Variants in CASZ1 observed in about 807,000 individuals in gnomAD.
CASZ1 encodes the protein castor zinc finger 1.
In CASZ1, 28 loss-of-function variants were observed where a neutral mutation model predicts 135.2. The ratio of observed to expected loss-of-function variants is 0.21; its 90% CI spans 0.15 to 0.28. The LOEUF is 0.28. Among genes scored for constraint, CASZ1 ranks in the 10% least tolerant of loss-of-function variants. CASZ1 has a pLI of 1.00. For synonymous variants in CASZ1, 1,068 were observed against 1,073.4 expected (o/e 0.99, Z 0.10); for missense variants, 2,161 against 2,453.3 (o/e 0.88, Z 2.52).
chr1:10,758,330 T>TCTCTCTC, intron 2 of CASZ1, among the ~76,000 whole-genome samples: 1 of 124,724 alleles, frequency 8.0e-6, no homozygotes, highest in South Asian at 2.5e-4. Flanking sequence ...CTCTCTCTCT[T>TCTCTCTC]TTTTTTTTTT....
At chr1:10,649,835 C>T (rs568321132) in intron 13 of CASZ1, 1 of 146,276 alleles carries the variant, frequency 6.8e-6, no homozygotes, top group East Asian at 2.3e-4. Context: ...CTACGAATTC[C>T]TTGAGAACAA....
In CASZ1 at chr1:10,666,481, C is replaced by T. The variant is rs545947668; in HGVS notation, c.17-910G>A. The stretch of plus-strand genomic sequence containing the variant: ...CCAGCCTCGGCCAGCCTCTGCAGCC[C>T]CGGAAGGCCTGGCCAGCCCACTTCC... On this transcript the variant is annotated intron_variant, in intron 4 of 20. Coordinates refer to ENST00000377022, the MANE Select transcript of CASZ1 (RefSeq NM_001079843.3). This position sits in a 1 kb window ranked among gnomAD's most constrained non-coding sequence, Gnocchi z 5.2. Among the ~76,000 whole-genome samples, 1 of 152,178 alleles carries T rather than the reference C, an allele frequency of 6.6e-6. No homozygotes were observed. Among genetic ancestry groups the T allele is most frequent in the Non-Finnish European group, 1.5e-5 (1 of 68,028 alleles).
chr1:10,668,551 T>C (rs1570447501), intron 4 of CASZ1, among the ~76,000 whole-genome samples: 2 of 152,120 alleles, frequency 1.3e-5, no homozygotes, highest in East Asian at 3.9e-4. Flanking sequence ...GCTGCCGAGG[T>C]GGGCTGGGCC....
chr1:10,682,499 G>C (rs1469099970), intron 4 of CASZ1, among the ~76,000 whole-genome samples: 1 of 152,132 alleles, frequency 6.6e-6, no homozygotes, highest in Non-Finnish European at 1.5e-5. Context: ...GAGAGAAGTT[G>C]AGTGGGGAAG....
chr1:10,760,508 C>T (rs1034212590), intron 2 of CASZ1, among the ~76,000 whole-genome samples, 193 bp downstream of exon 2: 1 of 152,244 alleles, frequency 6.6e-6, no homozygotes, highest in Non-Finnish European at 1.5e-5. Context: ...GTGCCCTGCT[C>T]CCAGGCCAGA....
chr1:10,645,468 T>C (rs576528845), intron 17 of CASZ1, among the ~76,000 whole-genome samples: 1 of 152,104 alleles, frequency 6.6e-6, no homozygotes, highest in Non-Finnish European at 1.5e-5. Flanking sequence ...AGGCAGAGCT[T>C]GCAGTGAGCC....
Position 10,687,051 on chromosome 1 carries a change from G to A in CASZ1, c.16+6823C>T, listed in dbSNP as rs116693739. On this transcript the variant is annotated intron_variant, in intron 4 of 20. Coordinates refer to ENST00000377022, the MANE Select transcript of CASZ1 (RefSeq NM_001079843.3). ...CAGCTGCAGGGAAGAGGCACTTCCCGGTGACAAAACTTCCAGGAGTCTCTC... is the reference window on the plus strand; with the variant it reads ...CAGCTGCAGGGAAGAGGCACTTCCCAGTGACAAAACTTCCAGGAGTCTCTC... 2.2e-3 allele frequency among the ~76,000 whole-genome samples: 336 copies of A among 152,272 alleles called. 1 individual carries two copies. Among genetic ancestry groups the A allele is most frequent in the African/African-American group, 7.6e-3 (316 of 41,546 alleles).
rs534279641 is a variant in CASZ1, at chr1:10,657,281, G to C, written c.1410-545C>G. 1.3e-5 allele frequency among the ~76,000 whole-genome samples: 2 copies of C among 152,354 alleles called. No individual in the cohort carries two copies. The highest frequency in any genetic ancestry group is 4.8e-5 in the African/African-American group (2 of 41,594). Reference sequence around the variant, plus strand: ...CCGCCGCCGCCACCGCCAGGAACCTGTGCTGCCTCCCAGGAAACCCGTCCT... The same window carrying C: ...CCGCCGCCGCCACCGCCAGGAACCTCTGCTGCCTCCCAGGAAACCCGTCCT... On this transcript the variant is annotated intron_variant, in intron 7 of 20. Coordinates refer to ENST00000377022, the MANE Select transcript of CASZ1 (RefSeq NM_001079843.3). This position sits in a 1 kb window ranked among gnomAD's most constrained non-coding sequence, Gnocchi z 5.7.
At chr1:10,723,841 A>G (rs1385052723) in intron 2 of CASZ1, among the ~76,000 whole-genome samples, 1 of 152,152 alleles carries the variant, frequency 6.6e-6, no homozygotes, top group Non-Finnish European at 1.5e-5. Context: ...TCTCACGGTC[A>G]GCTTCAGTCC....
chr1:10,729,509 C>T (rs1352912153), intron 2 of CASZ1, among the ~76,000 whole-genome samples: 1 of 152,184 alleles, frequency 6.6e-6, no homozygotes, highest in Non-Finnish European at 1.5e-5. Context: ...ACCATCAGGC[C>T]AAGAACTCAG....
At chr1:10,787,578 CT>C (rs764220128) in intron 1 of CASZ1, among the ~76,000 whole-genome samples, 4 of 152,188 alleles carry the variant, frequency 2.6e-5, no homozygotes, top group Non-Finnish European at 5.9e-5. Flanking sequence ...GCAATTAGTG[CT>C]GGGGAAGGGT....
At position 10,646,470 on chromosome 1, in the gene CASZ1, C is replaced by A. The variant is rs1485432492; in HGVS notation, c.3498-144G>T. On this transcript the variant is annotated intron_variant, in intron 16 of 20. Transcript: ENST00000377022. This position sits in a 1 kb window ranked among gnomAD's most constrained non-coding sequence, Gnocchi z 6.4. ...TGGCCTGGGCTGCTGTCCTGCTCAA[C>A]AGGATGACTCAGCTGGAGACTACAG... 36 of 728,058 alleles carry A rather than the reference C, an allele frequency of 4.9e-5. No individual in the cohort carries two copies. Among genetic ancestry groups the A allele is most frequent in the Non-Finnish European group, 8.0e-5 (34 of 424,424 alleles). The allele number at this position is 728,058 out of a possible 1,614,324, so 45.1% of individuals were successfully genotyped here.
rs557130539 is a variant in CASZ1, at chr1:10,654,820, C to T, written c.1666-229G>A. On this transcript the variant is annotated intron_variant, in intron 9 of 20. Transcript: ENST00000377022. ...ACCAAGTGCTGCTGGAGCCTGGCTC[C>T]GTCTGTGCTGAGGATCAGGGCATCT... Among the ~76,000 whole-genome samples, 4 of 152,350 alleles carry T rather than the reference C, an allele frequency of 2.6e-5. No homozygotes were observed. In the South Asian group the frequency reaches 6.2e-4, roughly 24 times the overall value.
In CASZ1 at chr1:10,639,131, G is replaced by GTCGTCC. The variant is rs746886067; in HGVS notation, c.5085_5090dup (p.Glu1695_Asp1696dup). Reference sequence around the variant, plus strand: ...CGTCCTCGTCGTCGTCGTCCTCGTCGTCGTCCTCGTCCTCGTCGTCTTCGG... The same window carrying GTCGTCC: ...CGTCCTCGTCGTCGTCGTCCTCGTCGTCGTCCTCGTCCTCGTCCTCGTCGTCTTCGG... On this transcript the variant is annotated inframe_insertion, in exon 21 of 21. Coordinates refer to ENST00000377022, the MANE Select transcript of CASZ1 (RefSeq NM_001079843.3). This position sits in a 1 kb window ranked among gnomAD's most constrained non-coding sequence, Gnocchi z 4.0. The GTCGTCC allele has an allele frequency of 4.2e-5, 48 of 1,133,384 alleles. No homozygotes were observed. The East Asian group carries it at 9.6e-4, about 23-fold the overall frequency. The allele number at this position is 1,133,384 out of a possible 1,614,324, so 70.2% of individuals were successfully genotyped here. A position where few individuals can be genotyped will look rare whatever the true frequency, so the allele number is the denominator to read the frequency against.
Position 10,637,093 on chromosome 1 carries a change from G to C in CASZ1, c.*1849C>G, listed in dbSNP as rs1234630300. On this transcript the variant is annotated 3_prime_UTR_variant, in exon 21 of 21. Transcript: ENST00000377022. ...TGAAGTTTACAAAAGGCTAGACTCCGCACTGTCGGCATCTTCTTCTTTTCT... is the reference window on the plus strand; with the variant it reads ...TGAAGTTTACAAAAGGCTAGACTCCCCACTGTCGGCATCTTCTTCTTTTCT... 1 of 152,110 alleles carries C rather than the reference G, an allele frequency of 6.6e-6. No homozygotes were observed. Among genetic ancestry groups the C allele is most frequent in the Non-Finnish European group, 1.5e-5 (1 of 67,974 alleles). The allele number at this position is 152,110 out of a possible 1,614,324, so 9.4% of individuals were successfully genotyped here. A position where few individuals can be genotyped will look rare whatever the true frequency, so the allele number is the denominator to read the frequency against.
intron 20 of CASZ1, among the ~76,000 whole-genome samples, chr1:10,641,746 C>T (rs949222284): frequency 6.6e-6 from 1 of 152,224 alleles, no homozygotes; most frequent in African/African-American, 2.4e-5. Context: ...ACAGGGCCTC[C>T]GGCAGGATCA....
rs1361519283 is a variant in CASZ1 at position 10,666,760 on chromosome 1, C to A, written c.17-1189G>T. 2.6e-5 allele frequency among the ~76,000 whole-genome samples: 4 copies of A among 152,238 alleles called. No homozygotes were observed. Among genetic ancestry groups the A allele is most frequent in the Non-Finnish European group, 5.9e-5 (4 of 68,038 alleles). On this transcript the variant is annotated intron_variant, in intron 4 of 20. Coordinates refer to ENST00000377022, the MANE Select transcript of CASZ1 (RefSeq NM_001079843.3). The surrounding 1 kb of genome is among the most constrained non-coding windows in gnomAD (Gnocchi z 5.2). ...GCCCACCCACCACACAGCCTGGGAC[C>A]TGCCACAAAGGCTGGCGAGGGTGGA... is the stretch of plus-strand genomic sequence containing the variant.
Position 10,665,251 on chromosome 1 carries a change from C to A in CASZ1, c.337G>T (p.Gly113Cys). 6.2e-7 allele frequency: 1 copy of A among 1,605,964 alleles called. No homozygotes were observed. Among genetic ancestry groups the A allele is most frequent in the Non-Finnish European group, 8.5e-7 (1 of 1,175,182 alleles). The part of the protein sequence containing the change: ...TPVLGRIARE[G>C]LELPPEGVYM... ...ACACCCTCGGGAGGCAGCTCCAGGCCCTCGCGGGCAATCCGCCCCAACACG... is the reference window on the plus strand; with the variant it reads ...ACACCCTCGGGAGGCAGCTCCAGGCACTCGCGGGCAATCCGCCCCAACACG... The change falls in exon 5 of 21, where the codon GGC becomes TGC. Residue 113 changes from glycine to cysteine, a missense_variant. Physicochemically the swap from Gly to Cys is radical, Grantham distance 159. Transcript: ENST00000377022.
At chr1:10,748,053 C>T (rs955861543) in intron 2 of CASZ1, among the ~76,000 whole-genome samples, 12 of 152,140 alleles carry the variant, frequency 7.9e-5, no homozygotes, top group Non-Finnish European at 1.5e-4. Context: ...CTCCTGACCT[C>T]GTGATCCGCC....
Sources: allele counts gnomAD v4.1 joint callset (sites outside exome capture counted in the v4.1 genomes callset), GRCh38; gene constraint gnomAD v4.1.1; non-coding constraint Gnocchi (gnomAD v3.1); transcripts MANE v1.5; gene names NCBI Gene and HGNC (gene_info 2026-07-23, HGNC 2026-07-21).